AGBL1: variants seen among roughly 807,000 people sequenced by gnomAD.
AGBL1 encodes cytosolic carboxypeptidase 4.
Under a neutral mutation model 118.9 loss-of-function variants are expected in AGBL1, and 130 were observed. The ratio of observed to expected loss-of-function variants is 1.09; its 90% CI spans 0.95 to 1.26. The LOEUF (loss-of-function observed/expected upper bound fraction) is 1.26. AGBL1 is among the 50% of genes most tolerant of loss of function. AGBL1 has a pLI of 0.00. For missense variants in AGBL1, 1,584 were observed against 1,298.1 expected, an observed-to-expected ratio of 1.22 and a Z score of -3.38; for synonymous variants, 555 against 478.9, an observed-to-expected ratio of 1.16 and a Z score of -2.08.
intron 22 of AGBL1, among the ~76,000 whole-genome samples, chr15:86,683,034 C>T (rs1182080411): frequency 6.6e-6 from 1 of 152,080 alleles, no homozygotes; most frequent in African/African-American, 2.4e-5. Flanking sequence ...AAGTTCTTAT[C>T]CTTTGTTATA....
At chr15:86,483,365 G>A (rs1256759795) in intron 18 of AGBL1, among the ~76,000 whole-genome samples, 1 of 152,078 alleles carries the variant, frequency 6.6e-6, no homozygotes, top group Non-Finnish European at 1.5e-5. Context: ...TTGGTGTCAG[G>A]GGTTTGGTTG....
At chr15:86,661,886 A>G (rs1222317163) in intron 21 of AGBL1, among the ~76,000 whole-genome samples, 1 of 152,130 alleles carries the variant, frequency 6.6e-6, no homozygotes, top group Admixed American at 6.6e-5. Flanking sequence ...TTTGTGGACA[A>G]TTTCTCTATT....
intron 21 of AGBL1, among the ~76,000 whole-genome samples, chr15:86,572,525 T>C: frequency 6.6e-6 from 1 of 152,176 alleles, no homozygotes; most frequent in East Asian, 1.9e-4. Flanking sequence ...AGGCAGGCTC[T>C]GGAGACTGTC....
intron 21 of AGBL1, among the ~76,000 whole-genome samples, chr15:86,593,860 G>C (rs1278309954): frequency 1.3e-5 from 2 of 151,136 alleles, no homozygotes; most frequent in South Asian, 4.2e-4. Context: ...TACAATATGT[G>C]TTCCTGTTTC....
At chr15:86,636,338 C>T (rs2142452595) in intron 21 of AGBL1, among the ~76,000 whole-genome samples, 1 of 152,062 alleles carries the variant, frequency 6.6e-6, no homozygotes, top group African/African-American at 2.4e-5. Flanking sequence ...TTATAGATGT[C>T]TAGTCAAAGA....
intron 13 of AGBL1, among the ~76,000 whole-genome samples, chr15:86,268,740 A>C: frequency 6.6e-6 from 1 of 152,090 alleles, no homozygotes; most frequent in East Asian, 1.9e-4. Context: ...TGGTGAGCCC[A>C]GTGGTTAGAG....
intron 1 of AGBL1, among the ~76,000 whole-genome samples, chr15:86,115,254 T>C (rs936604057): frequency 1.3e-5 from 2 of 152,208 alleles, no homozygotes; most frequent in African/African-American, 4.8e-5. Flanking sequence ...CAGTGGTGGA[T>C]TGTGACTGTG....
chr15:86,203,977 G>C (rs906068140), intron 5 of AGBL1, among the ~76,000 whole-genome samples: 16 of 152,146 alleles, frequency 1.1e-4, no homozygotes, highest in African/African-American at 3.9e-4. Context: ...ATTTATTTAT[G>C]TTGCACTCTT....
intron 22 of AGBL1, among the ~76,000 whole-genome samples, chr15:86,759,020 A>C (rs1312639813): frequency 6.6e-6 from 1 of 151,668 alleles, no homozygotes; most frequent in African/African-American, 2.4e-5. Flanking sequence ...CTTATACCTC[A>C]TGAGAGTAGA....
chr15:86,554,588 G>C, intron 21 of AGBL1, 51 bp downstream of exon 21: 1 of 1,396,048 alleles, frequency 7.2e-7, no homozygotes, highest in Non-Finnish European at 9.3e-7. Context: ...ACAATACATA[G>C]AAATTATAGA....
chr15:86,114,607 T>G (rs139555191), intron 1 of AGBL1, among the ~76,000 whole-genome samples: 33 of 152,328 alleles, frequency 2.2e-4, no homozygotes, highest in African/African-American at 7.7e-4. Flanking sequence ...GTTTGGGAGA[T>G]TCCAGGAAGG....
At chr15:86,963,190 A>C (rs1190324768) in intron 23 of AGBL1, among the ~76,000 whole-genome samples, 2 of 152,166 alleles carry the variant, frequency 1.3e-5, no homozygotes, top group Non-Finnish European at 2.9e-5. Context: ...CCTGGCATAA[A>C]ACCACAACTC....
At chr15:87,020,946 A>G (rs570631635) in intron 24 of AGBL1, among the ~76,000 whole-genome samples, 6 of 152,296 alleles carry the variant, frequency 3.9e-5, no homozygotes, top group Admixed American at 2.0e-4. Context: ...ATTCAATGCT[A>G]TTCCCATTCA....
At chr15:86,392,363 G>T (rs555786837) in intron 17 of AGBL1, among the ~76,000 whole-genome samples, 34 of 152,194 alleles carry the variant, frequency 2.2e-4, no homozygotes, top group Admixed American at 3.3e-4. Flanking sequence ...AGTTGTTTGC[G>T]TTAGTATAAA....
At chr15:86,469,869 A>T (rs1233061099) in intron 18 of AGBL1, among the ~76,000 whole-genome samples, 2 of 152,046 alleles carry the variant, frequency 1.3e-5, no homozygotes, top group Admixed American at 6.5e-5. Flanking sequence ...GGCCATTTGT[A>T]TGTCTTCTTT....
intron 18 of AGBL1, among the ~76,000 whole-genome samples, chr15:86,507,359 C>A (rs2082990115): frequency 6.6e-6 from 1 of 151,976 alleles, no homozygotes; most frequent in South Asian, 2.1e-4. Context: ...AATATGTTTC[C>A]CAGAAACTAG....
At chr15:86,962,517 CTTTT>C (rs1245120060) in intron 23 of AGBL1, among the ~76,000 whole-genome samples, 1 of 151,930 alleles carries the variant, frequency 6.6e-6, no homozygotes, top group African/African-American at 2.4e-5. Context: ...CCACAAAACA[CTTTT>C]TTTAAGAATT....
At chr15:87,001,589 C>T (rs1447648593) in intron 24 of AGBL1, among the ~76,000 whole-genome samples, 1 of 152,032 alleles carries the variant, frequency 6.6e-6, no homozygotes, top group Non-Finnish European at 1.5e-5. Flanking sequence ...AGTTTACAGT[C>T]CCACCAACAG....
intron 22 of AGBL1, among the ~76,000 whole-genome samples, chr15:86,766,904 A>G (rs7171238): frequency 0.1 from 15,543 of 151,872 alleles, 2,077 homozygotes; most frequent in African/African-American, 0.31. Context: ...GACAACCTAC[A>G]GACGCCATTT....
Sources: gnomAD v4.1 joint callset for allele counts (sites outside exome capture counted in the v4.1 genomes callset) on GRCh38, gnomAD v4.1.1 for gene constraint, MANE v1.5 for transcripts, NCBI Gene and HGNC (gene_info 2026-07-23, HGNC 2026-07-21) for gene names.